Variants in INTU observed in about 807,000 individuals in gnomAD.
The protein encoded by INTU is inturned planar cell polarity protein.
A neutral mutation model predicts 100.5 loss-of-function variants in INTU; 68 were observed. The ratio of observed to expected loss-of-function variants is 0.68; its 90% CI spans 0.56 to 0.83. The LOEUF is 0.83. Among genes scored for constraint, INTU ranks in the 40% least tolerant of loss-of-function variants. INTU has a pLI of 0.00. For synonymous variants in INTU, 357 were observed against 395.7 expected, an observed-to-expected ratio of 0.90 and a Z score of 1.16; for missense variants, 1,071 against 1,114.7, an observed-to-expected ratio of 0.96 and a Z score of 0.56.
At chr4:127,713,637 A>G (rs189183469) in intron 14 of INTU, among the ~76,000 whole-genome samples, 3 of 152,276 alleles carry the variant, frequency 2.0e-5, no homozygotes, top group East Asian at 1.9e-4. Flanking sequence ...ATAATTTTCT[A>G]TCTTCCACTG....
At chr4:127,656,131 C>G (rs1162884853) in intron 2 of INTU, among the ~76,000 whole-genome samples, 1 of 152,200 alleles carries the variant, frequency 6.6e-6, no homozygotes, top group Non-Finnish European at 1.5e-5. Context: ...CTGGTACTCC[C>G]TAGTGAGATG....
chr4:127,700,465 G>A lies in INTU; in HGVS notation c.1503+402G>A, dbSNP rs144507213. 3.2e-4 allele frequency among the ~76,000 whole-genome samples: 48 copies of A among 152,206 alleles called. No homozygotes were observed. The East Asian group carries it at 8.3e-3, about 26-fold the overall frequency. Reference sequence around the variant, plus strand: ...AAAAGGCCTAGCAATAGTGACCATCGCAGTAGCGATAAGTACCACTAATAC... The same window carrying A: ...AAAAGGCCTAGCAATAGTGACCATCACAGTAGCGATAAGTACCACTAATAC... On this transcript the variant is annotated intron_variant, in intron 9 of 15. Coordinates refer to ENST00000335251, the MANE Select transcript of INTU (RefSeq NM_015693.4).
rs567444305 is a variant in INTU at position 127,665,639 on chromosome 4, G to A, written c.972+2055G>A. Among the ~76,000 whole-genome samples, 139 of 152,152 alleles carry A rather than the reference G, an allele frequency of 9.1e-4. 1 individual carries two copies. The highest frequency in any genetic ancestry group is 1.7e-3 in the Non-Finnish European group (115 of 67,992). Reference sequence around the variant, plus strand: ...ATCTCATTTCATTTAACTGTTCCTGGTCATGTGGCTCAGTGACTCCAGCCT... The same window carrying A: ...ATCTCATTTCATTTAACTGTTCCTGATCATGTGGCTCAGTGACTCCAGCCT... On this transcript the variant is annotated intron_variant, in intron 4 of 15. Transcript: ENST00000335251.
In INTU at chr4:127,717,976, A is replaced by T. The variant is rs1169746923; in HGVS notation, c.*1540A>T. 2 of 152,110 alleles carry T rather than the reference A, an allele frequency of 1.3e-5. No homozygotes were observed. The highest frequency in any genetic ancestry group is 2.9e-5 in the Non-Finnish European group (2 of 68,016). The allele number at this position is 152,110 out of a possible 1,614,324, so 9.4% of individuals were successfully genotyped here. A position where few individuals can be genotyped will look rare whatever the true frequency, so the allele number is the denominator to read the frequency against. On this transcript the variant is annotated 3_prime_UTR_variant, in exon 16 of 16. Coordinates refer to ENST00000335251, the MANE Select transcript of INTU (RefSeq NM_015693.4). Reference sequence around the variant, plus strand: ...GATGATAGTTTCTTTTGCTGTGCAGAAGGTCTTTAATTTAACTAGATCCCA... The same window carrying T: ...GATGATAGTTTCTTTTGCTGTGCAGTAGGTCTTTAATTTAACTAGATCCCA...
intron 5 of INTU, among the ~76,000 whole-genome samples, chr4:127,673,248 C>G (rs1209460191): frequency 6.6e-6 from 1 of 151,998 alleles, no homozygotes; most frequent in African/African-American, 2.4e-5. Context: ...GCAATCATGG[C>G]TAACCGCAGC....
chr4:127,712,006 G>C (rs1190603713), intron 14 of INTU, among the ~76,000 whole-genome samples: 1 of 152,160 alleles, frequency 6.6e-6, no homozygotes, highest in African/African-American at 2.4e-5. Flanking sequence ...TTGATTTCTT[G>C]AAAAGGATAA....
chr4:127,665,268 C>T (rs1043287149), intron 4 of INTU, among the ~76,000 whole-genome samples: 2 of 149,266 alleles, frequency 1.3e-5, no homozygotes, highest in South Asian at 4.2e-4. Flanking sequence ...TTATATATTG[C>T]ATATATTTAT....
Position 127,718,206 on chromosome 4 carries a change from G to C in INTU, c.*1770G>C, listed in dbSNP as rs1731296630. Reference sequence around the variant, plus strand: ...AGTTTCTATTTTCTGCATATGGATAGCTAGTTCTCCCAGCACCATTTATTA... The same window carrying C: ...AGTTTCTATTTTCTGCATATGGATACCTAGTTCTCCCAGCACCATTTATTA... On this transcript the variant is annotated 3_prime_UTR_variant, in exon 16 of 16. Transcript: ENST00000335251. 6.6e-6 allele frequency: 1 copy of C among 152,148 alleles called. No homozygotes were observed. 9.4% of individuals were successfully genotyped at this position (152,148 alleles called of 1,614,324 possible).
Position 127,706,563 on chromosome 4 carries a change from G to A in INTU, c.1865G>A (p.Cys622Tyr). ...GCTATTGGGAGTCCTGGACCAGACT[G>A]TGTATATGTGGATCAAGTCAAAACA... is the stretch of plus-strand genomic sequence containing the variant. ...SKAIGSPGPD[C>Y]VYVDQVKTTL... The change falls in exon 12 of 16, where the codon TGT (cysteine) becomes TAT (tyrosine). Residue 622 changes from cysteine to tyrosine, a missense_variant. Physicochemically the swap from Cys to Tyr is radical, Grantham distance 194. Transcript: ENST00000335251. 1 of 1,614,074 alleles carries A rather than the reference G, an allele frequency of 6.2e-7. No individual in the cohort carries two copies. Among genetic ancestry groups the A allele is most frequent in the Non-Finnish European group, 8.5e-7 (1 of 1,179,958 alleles).
chr4:127,643,256 T>C (rs1727412245), intron 1 of INTU, among the ~76,000 whole-genome samples: 1 of 152,198 alleles, frequency 6.6e-6, no homozygotes, highest in South Asian at 2.1e-4. Flanking sequence ...CTTTTTTCAT[T>C]GGTTTTCCTT....
intron 12 of INTU, among the ~76,000 whole-genome samples, chr4:127,707,488 AC>A: frequency 6.6e-6 from 1 of 152,096 alleles, no homozygotes; most frequent in East Asian, 1.9e-4. Context: ...AAATAGGAAA[AC>A]TTTAATCTCA....
chr4:127,634,765 C>G (rs556020784), intron 1 of INTU, among the ~76,000 whole-genome samples: 18 of 152,290 alleles, frequency 1.2e-4, no homozygotes, highest in Admixed American at 5.9e-4. Context: ...TACCAAGTTT[C>G]AAATTTTAAG....
chr4:127,636,874 C>T (rs1449045602), intron 1 of INTU, among the ~76,000 whole-genome samples: 1 of 152,120 alleles, frequency 6.6e-6, no homozygotes, highest in African/African-American at 2.4e-5. Flanking sequence ...TGCTCTGAAC[C>T]CTGACTCCTT....
At chr4:127,682,307 A>G (rs1443450498) in intron 6 of INTU, among the ~76,000 whole-genome samples, 6 of 152,198 alleles carry the variant, frequency 3.9e-5, no homozygotes, top group East Asian at 3.9e-4. Context: ...ATGCACACGT[A>G]TGTTTATTGC....
intron 2 of INTU, among the ~76,000 whole-genome samples, chr4:127,645,489 C>G (rs530969565): frequency 6.6e-6 from 1 of 152,102 alleles, no homozygotes; most frequent in East Asian, 1.9e-4. Context: ...ACAGCTGACC[C>G]CAGTTAACCC....
intron 8 of INTU, among the ~76,000 whole-genome samples, chr4:127,692,771 G>A (rs1214335211): frequency 6.6e-6 from 1 of 152,074 alleles, no homozygotes; most frequent in African/African-American, 2.4e-5. Flanking sequence ...ATAAGGCTGA[G>A]AGATCAGGAT....
chr4:127,715,141 G>A (rs895519375), intron 15 of INTU, among the ~76,000 whole-genome samples: 1 of 152,080 alleles, frequency 6.6e-6, no homozygotes, highest in Non-Finnish European at 1.5e-5. Context: ...AATGAACAAA[G>A]ATGCGAACAG....
At chr4:127,634,432 G>C (rs1205048145) in intron 1 of INTU, among the ~76,000 whole-genome samples, 2 of 152,182 alleles carry the variant, frequency 1.3e-5, no homozygotes, top group Non-Finnish European at 2.9e-5. Context: ...GCACAGCTGA[G>C]TGTTGTCAGT....
intron 8 of INTU, among the ~76,000 whole-genome samples, chr4:127,698,312 A>C (rs998393091): frequency 6.6e-6 from 1 of 151,934 alleles, no homozygotes; most frequent in Non-Finnish European, 1.5e-5. Flanking sequence ...AATACAAAAA[A>C]TTAGGCAGGC....
Sources: allele counts gnomAD v4.1 joint callset (sites outside exome capture counted in the v4.1 genomes callset), GRCh38; gene constraint gnomAD v4.1.1; transcripts MANE v1.5; gene names NCBI Gene and HGNC (gene_info 2026-07-23, HGNC 2026-07-21).